PGM1: variants seen among roughly 807,000 people sequenced by gnomAD.
PGM1 encodes phosphoglucomutase-1.
Under a neutral mutation model 55.6 loss-of-function variants are expected in PGM1, and 52 were observed. The ratio of observed to expected loss-of-function variants is 0.94; its 90% CI spans 0.75 to 1.18. The LOEUF is 1.18. Among genes scored for constraint, PGM1 ranks in the 50% most tolerant of loss-of-function variants. The probability of loss-of-function intolerance (pLI) is 0.00; values close to 1 mark genes in which losing one functional copy is unlikely to be tolerated. For synonymous variants in PGM1, 287 were observed against 271.7 expected, an observed-to-expected ratio of 1.06 and a Z score of -0.55; for missense variants, 724 against 729.3, an observed-to-expected ratio of 0.99 and a Z score of 0.08.
chr1:63,643,222 T>A (rs1029908681), intron 7 of PGM1, among the ~76,000 whole-genome samples: 33 of 152,234 alleles, frequency 2.2e-4, no homozygotes, highest in Non-Finnish European at 8.8e-5. Context: ...ACCCTAATTA[T>A]AACTCACTCA....
rs148406501 is a variant in PGM1, at chr1:63,644,373, G to A, written c.1145-4144G>A. On this transcript the variant is annotated intron_variant, in intron 7 of 10. Coordinates refer to ENST00000371084, the MANE Select transcript of PGM1 (RefSeq NM_002633.3). ...TTTTACCTTTCTCACAGTTAAATGAGCTTGGCTTCATTCTCTTTCTAAAAT... is the reference window on the plus strand; with the variant it reads ...TTTTACCTTTCTCACAGTTAAATGAACTTGGCTTCATTCTCTTTCTAAAAT... Among the ~76,000 whole-genome samples, 147 of 152,294 alleles carry A rather than the reference G, an allele frequency of 9.7e-4. 2 individuals are homozygous for A. Among genetic ancestry groups the A allele is most frequent in the African/African-American group, 3.1e-3 (127 of 41,562 alleles).
intron 7 of PGM1, among the ~76,000 whole-genome samples, chr1:63,646,416 G>A (rs574989446): frequency 6.6e-6 from 1 of 152,080 alleles, no homozygotes; most frequent in Non-Finnish European, 1.5e-5. Context: ...ACATCCTCCC[G>A]AGAAGCCCAT....
intron 1 of PGM1, chr1:63,599,893 T>G (rs1648187994): frequency 6.6e-6 from 1 of 152,256 alleles, no homozygotes; most frequent in African/African-American, 2.4e-5. Context: ...TGAATGCCAG[T>G]ATGGATAACC....
rs1451319454 is a variant in PGM1 at position 63,604,917 on chromosome 1, C to CGTGTGTGTG, written c.246+11183_246+11184insGTGTGTGTG. On this transcript the variant is annotated intron_variant, in intron 1 of 10. Transcript: ENST00000371084. ...TATATAGGGAGGGAGTTACATAACT[C>CGTGTGTGTG]TGTGTGTGTGTGTGTGTGTGTGTGT... Among the ~76,000 whole-genome samples, 29 of 118,836 alleles carry CGTGTGTGTG rather than the reference C, an allele frequency of 2.4e-4. 2 individuals carry two copies. Among genetic ancestry groups the CGTGTGTGTG allele is most frequent in the East Asian group, 1.9e-3 (7 of 3,720 alleles). 78.0% of individuals were successfully genotyped at this position (118,836 alleles called of 152,430 possible). A position where few individuals can be genotyped will look rare whatever the true frequency, so the allele number is the denominator to read the frequency against.
chr1:63,634,780 G>C (rs1385524643), intron 4 of PGM1, 49 bp from the exon 5 acceptor site: 1 of 1,499,436 alleles, frequency 6.7e-7, no homozygotes, highest in East Asian at 2.3e-5. Flanking sequence ...CATACTTTAA[G>C]GAGTTTTATT....
chr1:63,643,852 T>A (rs1355730254), intron 7 of PGM1, among the ~76,000 whole-genome samples: 1 of 152,202 alleles, frequency 6.6e-6, no homozygotes, highest in African/African-American at 2.4e-5. Context: ...CAGGACATGT[T>A]AGCCAGGCTA....
rs1161161385 is a variant in PGM1, at chr1:63,615,550, C to CTTTTTTTTTTTTTTTT, written c.247-13860_247-13845dup. On this transcript the variant is annotated intron_variant, in intron 1 of 10. Coordinates refer to ENST00000371084, the MANE Select transcript of PGM1 (RefSeq NM_002633.3). ...CCATTTCTCTCCTCTTCTTCTTCTTCTTTTTTTTTTTTTTTTTTTTTTTTT... is the reference window on the plus strand; with the variant it reads ...CCATTTCTCTCCTCTTCTTCTTCTTCTTTTTTTTTTTTTTTTTTTTTTTTTTTTTTTTTTTTTTTTT... 4.8e-4 allele frequency among the ~76,000 whole-genome samples: 30 copies of CTTTTTTTTTTTTTTTT among 62,986 alleles called. 4 individuals are homozygous for CTTTTTTTTTTTTTTTT. The highest frequency in any genetic ancestry group is 1.9e-3 in the East Asian group (3 of 1,620). 41.3% of individuals were successfully genotyped at this position (62,986 alleles called of 152,430 possible). A position where few individuals can be genotyped will look rare whatever the true frequency, so the allele number is the denominator to read the frequency against.
rs1367666903 is a variant in PGM1, at chr1:63,647,603, A to G, written c.1145-914A>G. Among the ~76,000 whole-genome samples, 8 of 151,846 alleles carry G rather than the reference A, an allele frequency of 5.3e-5. No individual in the cohort carries two copies. In the East Asian group the frequency reaches 1.5e-3, roughly 29 times the overall value. On this transcript the variant is annotated intron_variant, in intron 7 of 10. Transcript: ENST00000371084. ...CATTCGAATTTTTAGTTCAACTGGA[A>G]TTATTTTTGTTATGGTGTTTTATAG...
At chr1:63,628,083 T>A (rs1649087680) in intron 1 of PGM1, among the ~76,000 whole-genome samples, 1 of 152,196 alleles carries the variant, frequency 6.6e-6, no homozygotes, top group African/African-American at 2.4e-5. Context: ...CCTCAGCTTC[T>A]TCATGTTTGC....
At chr1:63,621,056 G>T (rs1338500278) in intron 1 of PGM1, among the ~76,000 whole-genome samples, 1 of 152,022 alleles carries the variant, frequency 6.6e-6, no homozygotes, top group Non-Finnish European at 1.5e-5. Context: ...TAACATTGCT[G>T]CTTCTGGTAA....
chr1:63,634,249 A>G (rs560722201), intron 4 of PGM1, among the ~76,000 whole-genome samples: 2 of 152,112 alleles, frequency 1.3e-5, no homozygotes, highest in South Asian at 4.2e-4. Flanking sequence ...TAATCATAAT[A>G]TAAACATTTA....
chr1:63,643,655 G>C (rs1256157738), intron 7 of PGM1, among the ~76,000 whole-genome samples: 2 of 152,234 alleles, frequency 1.3e-5, no homozygotes, highest in Non-Finnish European at 2.9e-5. Flanking sequence ...GGTCAGCTGA[G>C]CCTCCCAGCC....
intron 4 of PGM1, 38 bp downstream of exon 4, chr1:63,631,820 G>T: frequency 6.2e-7 from 1 of 1,605,344 alleles, no homozygotes; most frequent in South Asian, 1.1e-5. Flanking sequence ...ATCTCTTGAG[G>T]ATAGGAAGTT....
rs121918371 is a variant in PGM1 at position 63,629,521 on chromosome 1, A to G, written c.343A>G (p.Thr115Ala). The G allele has an allele frequency of 3.1e-6, 5 of 1,613,826 alleles. No homozygotes were observed. Among genetic ancestry groups the G allele is most frequent in the Non-Finnish European group, 4.2e-6 (5 of 1,179,768 alleles). Residue 115 changes from threonine to alanine, a missense_variant, in exon 2 of 11, where the codon ACA becomes GCA. Transcript: ENST00000371084. The stretch of plus-strand genomic sequence containing the variant: ...CAAAGCCATTGGTGGGATCATTCTG[A>G]CAGCCAGTCACAACCCAGGGGGCCC... ...KIKAIGGIILTASHNPGGPNG... is the reference protein window; with the variant it reads ...KIKAIGGIILAASHNPGGPNG...
chr1:63,618,701 G>A (rs1050359896), intron 1 of PGM1, among the ~76,000 whole-genome samples: 2 of 152,086 alleles, frequency 1.3e-5, no homozygotes, highest in Non-Finnish European at 2.9e-5. Context: ...GTTGAATTGG[G>A]GTGACACCAG....
rs184678527 is a variant in PGM1 at position 63,596,558 on chromosome 1, A to G, written c.246+2824A>G. On this transcript the variant is annotated intron_variant, in intron 1 of 10. Coordinates refer to ENST00000371084, the MANE Select transcript of PGM1 (RefSeq NM_002633.3). Reference sequence around the variant, plus strand: ...AGGCGTGAGCCACTGCGCCTGGCCTATTCCCTAGGTTTCTACGCTCAGGTT... The same window carrying G: ...AGGCGTGAGCCACTGCGCCTGGCCTGTTCCCTAGGTTTCTACGCTCAGGTT... 1.9e-3 allele frequency among the ~76,000 whole-genome samples: 282 copies of G among 152,114 alleles called. 1 individual carries two copies. The highest frequency in any genetic ancestry group is 6.6e-3 in the African/African-American group (274 of 41,514).
At chr1:63,612,938 C>T (rs1229736461) in intron 1 of PGM1, among the ~76,000 whole-genome samples, 2 of 152,182 alleles carry the variant, frequency 1.3e-5, no homozygotes, top group Admixed American at 6.5e-5. Flanking sequence ...CTCAGAAACA[C>T]TAATTACAGG....
At chr1:63,656,076 G>A (rs907448904) in intron 10 of PGM1, 2 of 152,140 alleles carry the variant, frequency 1.3e-5, no homozygotes, top group Non-Finnish European at 2.9e-5. Context: ...AAAAAAAGAG[G>A]GTGCTGAGAA....
At chr1:63,629,646 C>T (rs557553983) in intron 2 of PGM1, 59 bp downstream of exon 2, 2 of 1,528,896 alleles carry the variant, frequency 1.3e-6, no homozygotes. Context: ...CAAATCAATA[C>T]CTGGAGCCTT....
Sources: gnomAD v4.1 joint callset for allele counts (sites outside exome capture counted in the v4.1 genomes callset) on GRCh38, gnomAD v4.1.1 for gene constraint, MANE v1.5 for transcripts, NCBI Gene and HGNC (gene_info 2026-07-23, HGNC 2026-07-21) for gene names.